Variants in TFEC observed in about 807,000 individuals in gnomAD.
TFEC encodes the protein class E basic helix-loop-helix protein 34.
A neutral mutation model predicts 41.6 loss-of-function variants in TFEC; 31 were observed. The ratio of observed to expected loss-of-function variants is 0.74; its 90% confidence interval spans 0.56 to 1.01. TFEC has a LOEUF of 1.01. Among genes scored for constraint, TFEC ranks in the 50% least tolerant of loss-of-function variants. The pLI is 0.00. For synonymous variants in TFEC, 143 were observed against 140.6 expected, an observed-to-expected ratio of 1.02 and a Z score of -0.12; for missense variants, 402 against 404.1, an observed-to-expected ratio of 0.99 and a Z score of 0.04.
At chr7:116,028,426 T>C (rs577571830) in intron 1 of TFEC, among the ~76,000 whole-genome samples, 179 of 152,326 alleles carry the variant, frequency 1.2e-3, no homozygotes, top group African/African-American at 4.2e-3. Context: ...ACAAGACTAC[T>C]GTTAACCTCT....
Position 115,940,595 on chromosome 7 carries a change from T to C in TFEC, c.1000A>G (p.Ser334Gly), listed in dbSNP as rs779031011. 2 of 1,613,282 alleles carry C rather than the reference T, an allele frequency of 1.2e-6. No individual in the cohort carries two copies. The highest frequency in any genetic ancestry group is 8.5e-7 in the Non-Finnish European group (1 of 1,179,540). The change falls in exon 8 of 8, where the codon AGT (serine) becomes GGT (glycine). Residue 334 changes from serine to glycine, a missense_variant. Coordinates refer to ENST00000265440, the MANE Select transcript of TFEC (RefSeq NM_012252.4). ...ATSPAVSKESSRRSSFSSDDG... is the reference protein window; with the variant it reads ...ATSPAVSKESGRRSSFSSDDG... The stretch of plus-strand genomic sequence containing the variant: ...TCTGAGCTAAAGCTACTTCTCCTAC[T>C]GCTTTCTTTGGAAACTGCAGGGGAA...
chr7:116,061,050 T>C (rs1178721408), intron 3 of TFEC, among the ~76,000 whole-genome samples: 1 of 152,120 alleles, frequency 6.6e-6, no homozygotes, highest in Non-Finnish European at 1.5e-5. Context: ...AATTCAAAAC[T>C]TGATCCATAA....
chr7:116,109,059 T>C (rs1037111526), intron 3 of TFEC, among the ~76,000 whole-genome samples: 3 of 151,834 alleles, frequency 2.0e-5, no homozygotes, highest in Non-Finnish European at 4.4e-5. Flanking sequence ...TTACACCTTA[T>C]ACAAAAATTA....
At chr7:116,145,330 T>C (rs979566261) in intron 1 of TFEC, among the ~76,000 whole-genome samples, 1 of 152,174 alleles carries the variant, frequency 6.6e-6, no homozygotes, top group Non-Finnish European at 1.5e-5. Flanking sequence ...TAACTGATGA[T>C]TGTGACTCCT....
chr7:116,057,679 A>G (rs1796460692), intron 3 of TFEC, among the ~76,000 whole-genome samples: 1 of 151,936 alleles, frequency 6.6e-6, no homozygotes, highest in Non-Finnish European at 1.5e-5. Context: ...CTATCTAAAC[A>G]AAAACAATAG....
intron 1 of TFEC, among the ~76,000 whole-genome samples, chr7:115,989,992 C>T (rs986040574): frequency 1.3e-5 from 2 of 152,174 alleles, no homozygotes; most frequent in African/African-American, 2.4e-5. Context: ...GGCTGACTGA[C>T]ATCTCATACA....
At chr7:116,050,928 A>T (rs570501477) in intron 3 of TFEC, among the ~76,000 whole-genome samples, 34 of 152,362 alleles carry the variant, frequency 2.2e-4, no homozygotes, top group African/African-American at 6.5e-4. Context: ...CTGGATTAAG[A>T]AAATGTGGCA....
intron 1 of TFEC, among the ~76,000 whole-genome samples, chr7:116,156,365 G>C (rs1369126526): frequency 6.6e-6 from 1 of 152,144 alleles, no homozygotes; most frequent in African/African-American, 2.4e-5. Context: ...GTGTCAAATA[G>C]ATTCTAAGAT....
intron 1 of TFEC, among the ~76,000 whole-genome samples, chr7:116,115,625 C>A (rs572767372): frequency 6.6e-6 from 1 of 152,066 alleles, no homozygotes; most frequent in Admixed American, 6.6e-5. Flanking sequence ...AAAAATCTCC[C>A]CACCTCAACA....
chr7:116,102,770 G>T (rs983785553), intron 3 of TFEC, among the ~76,000 whole-genome samples: 11 of 152,174 alleles, frequency 7.2e-5, no homozygotes, highest in Admixed American at 4.6e-4. Context: ...TTTAGTTTGG[G>T]TCTAAATATT....
intron 3 of TFEC, among the ~76,000 whole-genome samples, chr7:115,969,981 C>T (rs772417273): frequency 7.2e-5 from 11 of 151,886 alleles, no homozygotes; most frequent in Non-Finnish European, 1.0e-4. Flanking sequence ...TTCAGCCATG[C>T]TATGTTTAAG....
At chr7:116,112,248 T>G (rs948820639) in intron 1 of TFEC, among the ~76,000 whole-genome samples, 5 of 152,122 alleles carry the variant, frequency 3.3e-5, no homozygotes, top group Non-Finnish European at 7.4e-5. Flanking sequence ...AAGGGAACAC[T>G]ACTTGAGAGC....
At chr7:116,133,077 A>C (rs1438613008) in intron 1 of TFEC, among the ~76,000 whole-genome samples, 1 of 152,230 alleles carries the variant, frequency 6.6e-6, no homozygotes, top group Non-Finnish European at 1.5e-5. Context: ...GTATGCAATA[A>C]AAGCTATCAT....
intron 3 of TFEC, among the ~76,000 whole-genome samples, chr7:116,108,433 C>A (rs1001979324): frequency 3.9e-5 from 6 of 152,140 alleles, no homozygotes; most frequent in African/African-American, 1.4e-4. Context: ...ATGGTGCAAG[C>A]TTTTCTTTCA....
intron 1 of TFEC, among the ~76,000 whole-genome samples, chr7:116,156,105 T>C (rs886364888): frequency 6.6e-5 from 10 of 152,204 alleles, no homozygotes; most frequent in African/African-American, 2.4e-4. Flanking sequence ...GAAGGAGTCC[T>C]GGTTACTCCC....
In TFEC at chr7:115,940,940, T is replaced by A. The variant is rs1423144026; in HGVS notation, c.664-9A>T. On this transcript the variant is annotated splice_polypyrimidine_tract_variant and intron_variant, in intron 7 of 7. Transcript: ENST00000265440. ...GCCTGAATTTCTAGTTCCTGTAATTTCAAACGAAAATCATTAAATAATGTC... is the reference window on the plus strand; with the variant it reads ...GCCTGAATTTCTAGTTCCTGTAATTACAAACGAAAATCATTAAATAATGTC... 1.9e-6 allele frequency: 3 copies of A among 1,551,108 alleles called. No individual in the cohort carries two copies. The Admixed American group carries it at 5.9e-5, about 31-fold the overall frequency.
intron 3 of TFEC, among the ~76,000 whole-genome samples, chr7:116,050,734 T>G (rs1328792504): frequency 3.9e-5 from 6 of 152,230 alleles, no homozygotes; most frequent in East Asian, 1.9e-4. Context: ...TGGAAGACAG[T>G]GTGGCTATTC....
chr7:116,097,000 G>A (rs766252001), intron 3 of TFEC, among the ~76,000 whole-genome samples: 2 of 151,786 alleles, frequency 1.3e-5, no homozygotes, highest in Non-Finnish European at 2.9e-5. Flanking sequence ...TGAGGCAGGA[G>A]AATCGCTCGA....
chr7:115,996,496 G>A (rs1003995412), intron 1 of TFEC, among the ~76,000 whole-genome samples: 9 of 151,948 alleles, frequency 5.9e-5, no homozygotes, highest in Admixed American at 1.3e-4. Context: ...GTGATCCAAC[G>A]TATTCCCAGC....
Sources: allele counts gnomAD v4.1 joint callset (sites outside exome capture counted in the v4.1 genomes callset), GRCh38; gene constraint gnomAD v4.1.1; transcripts MANE v1.5; gene names NCBI Gene and HGNC (gene_info 2026-07-23, HGNC 2026-07-21).